The following PDE4B variants were observed in gnomAD, a reference collection of about 807,000 sequenced individuals.
PDE4B encodes phosphodiesterase 4B.
PDE4B carries 20 observed loss-of-function variants against 82.2 expected under a neutral mutation model. The observed-to-expected ratio is 0.24, with a 90% CI of 0.17 to 0.35. The LOEUF (loss-of-function observed/expected upper bound fraction) is 0.35. Ranked by LOEUF, PDE4B falls within the 10% of genes least tolerant of loss-of-function variation. The probability of loss-of-function intolerance (pLI) is 1.00; values close to 1 mark genes in which losing one functional copy is unlikely to be tolerated. For missense variants in PDE4B, 655 were observed against 907.2 expected (o/e 0.72, Z 3.57); for synonymous variants, 320 against 318.9 (o/e 1.00, Z -0.04).
intron 3 of PDE4B, among the ~76,000 whole-genome samples, chr1:66,126,426 TA>T (rs1645825081): frequency 6.6e-6 from 1 of 152,214 alleles, no homozygotes; most frequent in African/African-American, 2.4e-5. Flanking sequence ...TACACATTTT[TA>T]AACTTTAAAC....
intron 3 of PDE4B, among the ~76,000 whole-genome samples, chr1:66,069,928 CTGTTA>C (rs1360865807): frequency 6.6e-6 from 1 of 151,858 alleles, no homozygotes; most frequent in Non-Finnish European, 1.5e-5. Flanking sequence ...GTGTAAAGCT[CTGTTA>C]TAATATTCCT....
intron 3 of PDE4B, among the ~76,000 whole-genome samples, chr1:65,995,041 T>C (rs1339818837): frequency 1.3e-5 from 2 of 152,180 alleles, no homozygotes; most frequent in African/African-American, 4.8e-5. Context: ...TGATATTCTT[T>C]TAGTTGAGTT....
At chr1:65,961,001 A>T (rs1440738248) in intron 3 of PDE4B, among the ~76,000 whole-genome samples, 1 of 152,174 alleles carries the variant, frequency 6.6e-6, no homozygotes, top group African/African-American at 2.4e-5. Flanking sequence ...TAAAAAAATT[A>T]TTAGGGACCT....
At chr1:65,836,629 A>G (rs906741331) in intron 1 of PDE4B, among the ~76,000 whole-genome samples, 2 of 149,112 alleles carry the variant, frequency 1.3e-5, no homozygotes, top group African/African-American at 4.9e-5. Flanking sequence ...TTTTTTTCCA[A>G]CTCCTCTACA....
chr1:65,974,413 C>T (rs2310819), intron 3 of PDE4B, among the ~76,000 whole-genome samples: 62,006 of 152,010 alleles, frequency 0.41, 14,598 homozygotes, highest in Non-Finnish European at 0.53. Context: ...AGGAAATATT[C>T]AGATGTTAAC....
chr1:65,993,975 G>T (rs1466568335), intron 3 of PDE4B, among the ~76,000 whole-genome samples: 1 of 152,062 alleles, frequency 6.6e-6, no homozygotes, highest in African/African-American at 2.4e-5. Flanking sequence ...GTGAAAGCCA[G>T]GCCACTTCAG....
Position 66,297,622 on chromosome 1 carries a change from A to G in PDE4B, c.634+31535A>G, listed in dbSNP as rs142127395. Among the ~76,000 whole-genome samples, 8 of 152,178 alleles carry G rather than the reference A, an allele frequency of 5.3e-5. No individual in the cohort carries two copies. In the East Asian group the frequency reaches 1.5e-3, roughly 29 times the overall value. ...AAAAGTCCTTTTTATTATATTATTCATTATATATTATTCATTGCAGCTCAC... is the reference window on the plus strand; with the variant it reads ...AAAAGTCCTTTTTATTATATTATTCGTTATATATTATTCATTGCAGCTCAC... On this transcript the variant is annotated intron_variant, in intron 7 of 16. Transcript: ENST00000341517.
chr1:66,239,177 T>C (rs1223373567), intron 3 of PDE4B, among the ~76,000 whole-genome samples: 1 of 152,200 alleles, frequency 6.6e-6, no homozygotes, highest in Non-Finnish European at 1.5e-5. Context: ...GTATTTATAT[T>C]TTACTAATAG....
At chr1:66,029,415 T>C (rs1449798940) in intron 3 of PDE4B, among the ~76,000 whole-genome samples, 1 of 152,158 alleles carries the variant, frequency 6.6e-6, no homozygotes, top group Non-Finnish European at 1.5e-5. Flanking sequence ...ATAGGAAGCT[T>C]GCTCTAAGTT....
chr1:66,125,837 G>A (rs532114022), intron 3 of PDE4B, among the ~76,000 whole-genome samples: 4 of 152,138 alleles, frequency 2.6e-5, no homozygotes, highest in East Asian at 1.9e-4. Flanking sequence ...ATGGAGTTTC[G>A]CTCTTGTTGC....
chr1:65,834,412 G>A (rs778018450), intron 1 of PDE4B, among the ~76,000 whole-genome samples: 2 of 152,138 alleles, frequency 1.3e-5, no homozygotes, highest in Non-Finnish European at 2.9e-5. Flanking sequence ...CTTAGTATGG[G>A]CCTCTTACAC....
intron 3 of PDE4B, among the ~76,000 whole-genome samples, chr1:65,974,551 A>C (rs937755994): frequency 1.3e-5 from 2 of 152,266 alleles, no homozygotes; most frequent in Non-Finnish European, 2.9e-5. Context: ...CAGTCTCACA[A>C]ACCTTCTCAT....
intron 1 of PDE4B, among the ~76,000 whole-genome samples, chr1:65,838,824 G>A (rs1010481511): frequency 1.3e-5 from 2 of 151,804 alleles, no homozygotes; most frequent in African/African-American, 4.8e-5. Flanking sequence ...CTTGGTGTTT[G>A]GAAAAGCTTC....
In PDE4B at chr1:66,372,728, G is replaced by T. The variant is rs933824824; in HGVS notation, c.*50G>T. On this transcript the variant is annotated 3_prime_UTR_variant, in exon 17 of 17. Coordinates refer to ENST00000341517, the MANE Select transcript of PDE4B (RefSeq NM_002600.4). ...CATTCTATCCTTGATGAGCATGCCA[G>T]CTATGTGGTAGGGCCAGCCCACCAT... The T allele has an allele frequency of 2.6e-6, 4 of 1,565,834 alleles. No homozygotes were observed. The South Asian group carries it at 4.8e-5, about 19-fold the overall frequency.
intron 9 of PDE4B, chr1:66,360,421 G>GTGCCATTATC (rs1662667507): frequency 6.6e-6 from 1 of 152,176 alleles, no homozygotes; most frequent in African/African-American, 2.4e-5. Context: ...ACATGTGACT[G>GTGCCATTATC]TGCCATTATC....
chr1:66,099,230 G>C (rs1357701847), intron 3 of PDE4B, among the ~76,000 whole-genome samples: 2 of 152,040 alleles, frequency 1.3e-5, no homozygotes, highest in African/African-American at 2.4e-5. Flanking sequence ...TTGATTTTCT[G>C]TTCCTGTGTT....
chr1:66,201,180 A>G (rs1387587859), intron 3 of PDE4B, among the ~76,000 whole-genome samples: 1 of 152,220 alleles, frequency 6.6e-6, no homozygotes, highest in Admixed American at 6.5e-5. Flanking sequence ...CCAGCCTTGC[A>G]TCCCAGGGAT....
chr1:66,017,282 A>G (rs749558642), intron 3 of PDE4B, among the ~76,000 whole-genome samples: 1 of 152,222 alleles, frequency 6.6e-6, no homozygotes. Context: ...ATCAATTTAT[A>G]TATCAATTAA....
intron 3 of PDE4B, among the ~76,000 whole-genome samples, chr1:66,188,745 G>A (rs933842916): frequency 2.0e-5 from 3 of 151,686 alleles, no homozygotes; most frequent in African/African-American, 7.3e-5. Flanking sequence ...CATGAGATGG[G>A]TTTCCTGAAT....
Sources: gnomAD v4.1 joint callset for allele counts (sites outside exome capture counted in the v4.1 genomes callset) on GRCh38, gnomAD v4.1.1 for gene constraint, MANE v1.5 for transcripts, NCBI Gene and HGNC (gene_info 2026-07-23, HGNC 2026-07-21) for gene names.